The following SUCO variants were observed in gnomAD, a reference collection of about 807,000 sequenced individuals.
The protein encoded by SUCO is SUN domain-containing ossification factor.
SUCO carries 57 observed loss-of-function variants against 148.1 expected under a neutral mutation model. The observed-to-expected ratio is 0.38, with a 90% CI of 0.31 to 0.48. The LOEUF (loss-of-function observed/expected upper bound fraction) is 0.48. SUCO is among the 20% of genes least tolerant of loss of function. SUCO has a pLI of 0.96. For missense variants in SUCO, 1,331 were observed against 1,468.2 expected (o/e 0.91, Z 1.53); for synonymous variants, 470 against 502.7 (o/e 0.93, Z 0.87).
chr1:172,561,950 T>C (rs1437915553), intron 6 of SUCO, among the ~76,000 whole-genome samples: 1 of 152,162 alleles, frequency 6.6e-6, no homozygotes, highest in Non-Finnish European at 1.5e-5. Context: ...CCCAACAGAC[T>C]GAACAGATGC....
In SUCO at chr1:172,553,332, G is replaced by A; in HGVS notation, c.250G>A (p.Glu84Lys). The change falls in exon 3 of 24, where the codon GAA becomes AAA. Residue 84 changes from glutamate to lysine, a missense_variant. Physicochemically the swap from Glu to Lys is moderately conservative, Grantham distance 56. Around this residue, in one of 3 missense-constraint regions of SUCO, gnomAD observed 992 missense variants for 1,093.5 expected, o/e 0.91. Coordinates refer to ENST00000263688, the MANE Select transcript of SUCO (RefSeq NM_014283.5). ...TTCAAATTTACCTATTTCTCCAAAA[G>A]AACATAAATTAAAAGATGATTCTAT... is the stretch of plus-strand genomic sequence containing the variant. ...SGSNLPISPK[E>K]HKLKDDSIVD... 1 of 1,605,090 alleles carries A rather than the reference G, an allele frequency of 6.2e-7. No individual in the cohort carries two copies. Among genetic ancestry groups the A allele is most frequent in the Middle Eastern group, 1.7e-4 (1 of 6,002 alleles).
intron 1 of SUCO, among the ~76,000 whole-genome samples, chr1:172,535,170 C>T (rs956020915): frequency 1.5e-4 from 23 of 152,092 alleles, no homozygotes; most frequent in African/African-American, 5.3e-4. Flanking sequence ...GGGAACAAAT[C>T]GGTTGGCCTG....
intron 1 of SUCO, among the ~76,000 whole-genome samples, chr1:172,534,051 T>C (rs2149212826): frequency 6.6e-6 from 1 of 152,324 alleles, no homozygotes; most frequent in East Asian, 1.9e-4. Flanking sequence ...CGTGTGTGTA[T>C]GTGTGTTATG....
intron 1 of SUCO, among the ~76,000 whole-genome samples, chr1:172,533,944 G>GT (rs1296047818): frequency 6.6e-6 from 1 of 152,130 alleles, no homozygotes; most frequent in Non-Finnish European, 1.5e-5. Flanking sequence ...GGTCATGAAG[G>GT]TAAGAGTAAT....
Position 172,600,154 on chromosome 1 carries a change from G to A in SUCO, c.3004G>A (p.Glu1002Lys). ...LVSNLSATVA[E>K]LKREVSDRQS... ...TTCAAATTTATCAGCAACAGTAGCA[G>A]AATTGAAACGGGAGGTAATTGTTAT... Residue 1002 changes from glutamate to lysine, a missense_variant, in exon 20 of 24, where the codon GAA becomes AAA. Physicochemically the swap from Glu to Lys is moderately conservative, Grantham distance 56 (BLOSUM62 1). This residue lies in a region of SUCO where 334 missense variants were observed against 352.3 expected (regional missense o/e 0.95). Transcript: ENST00000263688. The A allele has an allele frequency of 6.2e-7, 1 of 1,609,966 alleles. No homozygotes were observed. Among genetic ancestry groups the A allele is most frequent in the African/African-American group, 1.3e-5 (1 of 74,866 alleles).
At chr1:172,557,132 C>G in intron 4 of SUCO, 148 bp from the exon 5 acceptor site, 4 of 1,392,836 alleles carry the variant, frequency 2.9e-6, no homozygotes, top group Non-Finnish European at 3.7e-6. Context: ...AGGACAATAA[C>G]AGATCAAGTC....
intron 16 of SUCO, 96 bp downstream of exon 16, chr1:172,585,182 T>TTAGAAATATAGAAATATA (rs1036784327): frequency 8.8e-6 from 9 of 1,022,104 alleles, no homozygotes; most frequent in Non-Finnish European, 1.3e-5. Context: ...ATTTGATTGT[T>TTAGAAATATAGAAATATA]TACATTTAGA....
At chr1:172,534,785 A>G (rs1164165894) in intron 1 of SUCO, among the ~76,000 whole-genome samples, 1 of 152,010 alleles carries the variant, frequency 6.6e-6, no homozygotes, top group East Asian at 1.9e-4. Flanking sequence ...ATTCATTTCC[A>G]TCTCTTTCTG....
At position 172,575,502 on chromosome 1, in the gene SUCO, T is replaced by A; in HGVS notation, c.1158-16T>A. 6.5e-7 allele frequency: 1 copy of A among 1,538,544 alleles called. No individual in the cohort carries two copies. Among genetic ancestry groups the A allele is most frequent in the Non-Finnish European group, 9.0e-7 (1 of 1,117,082 alleles). ...TTATAATTTTTAAAAAAGAACATAT[T>A]GCTTATATTTTTTAGATATCCAACA... On this transcript the variant is annotated splice_polypyrimidine_tract_variant and intron_variant, in intron 10 of 23. Coordinates refer to ENST00000263688, the MANE Select transcript of SUCO (RefSeq NM_014283.5).
chr1:172,575,473 T>C, intron 10 of SUCO, 45 bp from the exon 11 acceptor site: 1 of 1,337,462 alleles, frequency 7.5e-7, no homozygotes, highest in Non-Finnish European at 1.1e-6. Flanking sequence ...TTTCAATATG[T>C]GGTTTATAAT....
chr1:172,534,653 G>A (rs563028377), intron 1 of SUCO, among the ~76,000 whole-genome samples: 44 of 152,246 alleles, frequency 2.9e-4, no homozygotes, highest in African/African-American at 1.1e-3. Context: ...TTTAATACCC[G>A]TCTCCTGTTT....
chr1:172,562,796 T>C (rs1654274463), intron 6 of SUCO, among the ~76,000 whole-genome samples: 1 of 152,234 alleles, frequency 6.6e-6, no homozygotes, highest in African/African-American at 2.4e-5. Flanking sequence ...TTGTCTGATA[T>C]GGTTTAGCTC....
intron 1 of SUCO, among the ~76,000 whole-genome samples, chr1:172,550,258 T>TAC (rs533076038): frequency 2.6e-4 from 40 of 152,150 alleles, no homozygotes; most frequent in Non-Finnish European, 4.4e-5. Flanking sequence ...AAACTACCCC[T>TAC]ATATATTATT....
intron 11 of SUCO, 149 bp downstream of exon 11, chr1:172,575,772 T>G: frequency 2.0e-6 from 1 of 505,094 alleles, no homozygotes. Context: ...GGGTATATTA[T>G]TTCATGAATC....
chr1:172,581,903 T>A (rs551401744), intron 15 of SUCO, among the ~76,000 whole-genome samples: 1 of 152,352 alleles, frequency 6.6e-6, no homozygotes, highest in Admixed American at 6.5e-5. Flanking sequence ...TGATATTATA[T>A]AATTTACTTA....
chr1:172,564,640 G>A (rs1360455714), intron 6 of SUCO, among the ~76,000 whole-genome samples: 1 of 151,506 alleles, frequency 6.6e-6, no homozygotes, highest in Non-Finnish European at 1.5e-5. Flanking sequence ...CCAATCTCAG[G>A]TTGTTCTTTA....
intron 6 of SUCO, 138 bp from the exon 7 acceptor site, chr1:172,568,881 C>A: frequency 1.2e-6 from 1 of 832,178 alleles, no homozygotes. Flanking sequence ...TTTCTTTTTA[C>A]GTTTTTTATT....
rs137944733 is a variant in SUCO at position 172,585,140 on chromosome 1, T to C, written c.1567+54T>C. On this transcript the variant is annotated intron_variant, in intron 16 of 23. Transcript: ENST00000263688. ...ATAGCTGGTACTCCAGGGATCCTTA[T>C]ATTTAGGAAAATCAAGTAATGAGTT... 696 of 1,342,144 alleles carry C rather than the reference T, an allele frequency of 5.2e-4. 3 individuals are homozygous for C. In the African/African-American group the frequency reaches 9.0e-3, roughly 17 times the overall value. 83.1% of individuals were successfully genotyped at this position (1,342,144 alleles called of 1,614,324 possible). A position where few individuals can be genotyped will look rare whatever the true frequency, so the allele number is the denominator to read the frequency against.
intron 3 of SUCO, 31 bp downstream of exon 3, chr1:172,553,401 A>G: frequency 6.8e-7 from 1 of 1,462,362 alleles, no homozygotes; most frequent in Non-Finnish European, 9.4e-7. Flanking sequence ...TTTCAATAAT[A>G]TGTCATTTCA....
Sources: allele counts gnomAD v4.1 joint callset (sites outside exome capture counted in the v4.1 genomes callset), GRCh38; gene constraint gnomAD v4.1.1; regional missense constraint gnomAD v4.1.1; transcripts MANE v1.5; gene names NCBI Gene and HGNC (gene_info 2026-07-23, HGNC 2026-07-21).